The following IGF2R variants were observed in gnomAD, a reference collection of about 807,000 sequenced individuals.
The protein encoded by IGF2R is insulin like growth factor 2 receptor.
Under a neutral mutation model 270.6 loss-of-function variants are expected in IGF2R, and 91 were observed. The ratio of observed to expected loss-of-function variants is 0.34; its 90% CI spans 0.28 to 0.40. IGF2R has a LOEUF of 0.40. Ranked by LOEUF, IGF2R falls within the 10% of genes least tolerant of loss-of-function variation. The probability of loss-of-function intolerance (pLI) is 1.00; values close to 1 mark genes in which losing one functional copy is unlikely to be tolerated. For synonymous variants in IGF2R, 1,316 were observed against 1,258.9 expected (o/e 1.05, Z -0.96); for missense variants, 2,805 against 3,188.3 (o/e 0.88, Z 2.90).
At chr6:160,046,429 TG>T in intron 14 of IGF2R, 68 bp from the exon 15 acceptor site, 1 of 1,455,642 alleles carries the variant, frequency 6.9e-7, no homozygotes, top group Non-Finnish European at 9.3e-7. Flanking sequence ...TTTCAAACTG[TG>T]GGGTGAGACC....
Position 160,089,883 on chromosome 6 carries a change from TC to T in IGF2R, c.6468-31del, listed in dbSNP as rs774605251. 3 of 1,479,526 alleles carry T rather than the reference TC, an allele frequency of 2.0e-6. No homozygotes were observed. The East Asian group carries it at 7.6e-5, about 38-fold the overall frequency. The allele number at this position is 1,479,526 out of a possible 1,614,324, so 91.6% of individuals were successfully genotyped here. On this transcript the variant is annotated intron_variant, in intron 43 of 47. Transcript: ENST00000356956. ...GTCATGAATGCCTTCTTGAAGGACT[TC>T]CATGTCACTGTGATCTTTTCTGTCT...
rs1784192413 is a variant in IGF2R at position 160,004,962 on chromosome 6, G to A, written c.290-4048G>A. ...CATAAGCTTATTACCATAAGGTAAT[G>A]AGGTGTGTTCTGATTGGATCTTGCA... On this transcript the variant is annotated intron_variant, in intron 2 of 47. Transcript: ENST00000356956. The surrounding 1 kb of genome is among the most constrained non-coding windows in gnomAD (Gnocchi z 5.2). The A allele has an allele frequency of 6.6e-6, 1 of 152,222 alleles. No homozygotes were observed. Among genetic ancestry groups the A allele is most frequent in the African/African-American group, 2.4e-5 (1 of 41,446 alleles). The allele number at this position is 152,222 out of a possible 1,614,324, so 9.4% of individuals were successfully genotyped here.
intron 27 of IGF2R, among the ~76,000 whole-genome samples, chr6:160,063,842 CTTAG>C (rs529659529): frequency 2.0e-5 from 3 of 151,462 alleles, no homozygotes; most frequent in Admixed American, 6.6e-5. Context: ...CTATTTTATT[CTTAG>C]TTAGCCATGC....
chr6:159,977,907 T>C (rs963057355), intron 1 of IGF2R, among the ~76,000 whole-genome samples: 2 of 151,956 alleles, frequency 1.3e-5, no homozygotes, highest in Non-Finnish European at 1.5e-5. Context: ...TGTTGTAGGC[T>C]AGGCGTGGGA....
intron 2 of IGF2R, chr6:160,003,933 G>C (rs1404370807): frequency 6.6e-6 from 1 of 151,416 alleles, no homozygotes; most frequent in South Asian, 2.1e-4. Flanking sequence ...CTTGAGTTGA[G>C]GGAGTGAGCT....
intron 2 of IGF2R, among the ~76,000 whole-genome samples, chr6:160,002,365 T>A (rs771207627): frequency 5.3e-5 from 8 of 152,212 alleles, no homozygotes; most frequent in Non-Finnish European, 8.8e-5. Context: ...TACTCCTGCC[T>A]AGGTAAGAGA....
At chr6:160,070,079 C>T in intron 31 of IGF2R, 21 bp downstream of exon 31, 1 of 1,610,730 alleles carries the variant, frequency 6.2e-7, no homozygotes, top group Non-Finnish European at 8.5e-7. Context: ...GTTCCTGCAC[C>T]TTCTGCTGTT....
At position 160,102,512 on chromosome 6, in the gene IGF2R, C is replaced by T; in HGVS notation, c.6843-7C>T. 1 of 1,610,758 alleles carries T rather than the reference C, an allele frequency of 6.2e-7. No homozygotes were observed. Among genetic ancestry groups the T allele is most frequent in the Non-Finnish European group, 8.5e-7 (1 of 1,178,892 alleles). On this transcript the variant is annotated splice_region_variant and splice_polypyrimidine_tract_variant and intron_variant, in intron 45 of 47. Transcript: ENST00000356956. The surrounding 1 kb of genome is among the most constrained non-coding windows in gnomAD (Gnocchi z 4.5). ...GACACGGCTCCTTTTCTGTGACGTC[C>T]TTGCAGGGTGGGCTTTGACAGCGAG...
At position 160,072,022 on chromosome 6, in the gene IGF2R, C is replaced by T; in HGVS notation, c.4556C>T (p.Thr1519Ile). The T allele has an allele frequency of 6.2e-6, 10 of 1,614,188 alleles. No individual in the cohort carries two copies. The highest frequency in any genetic ancestry group is 8.5e-6 in the Non-Finnish European group (10 of 1,180,026). ...KSNEHDDCQV[T>I]NPSTGHLFDL... ...AACGAGCATGATGACTGCCAGGTCA[C>T]CAACCCAAGCACAGGTGAGAGGTGG... Residue 1519 changes from threonine (T) to isoleucine (I), a missense_variant, in exon 32 of 48, where the codon ACC becomes ATC. Physicochemically the swap from Thr to Ile is moderately conservative, Grantham distance 89. Coordinates refer to ENST00000356956, the MANE Select transcript of IGF2R (RefSeq NM_000876.4).
intron 41 of IGF2R, among the ~76,000 whole-genome samples, chr6:160,087,622 C>A (rs776537161): frequency 2.6e-5 from 4 of 152,144 alleles, no homozygotes; most frequent in Admixed American, 1.3e-4. Flanking sequence ...TTTCTTCTGG[C>A]CTTTAAACCA....
chr6:160,016,730 T>C (rs963195172), intron 4 of IGF2R, among the ~76,000 whole-genome samples: 1 of 152,226 alleles, frequency 6.6e-6, no homozygotes, highest in African/African-American at 2.4e-5. Flanking sequence ...CTACAACTGA[T>C]GTTTGAGAAA....
Position 160,025,860 on chromosome 6 carries a change from T to C in IGF2R, c.646+1156T>C, listed in dbSNP as rs553756586. 3.9e-5 allele frequency among the ~76,000 whole-genome samples: 6 copies of C among 152,214 alleles called. No individual in the cohort carries two copies. In the South Asian group the frequency reaches 1.0e-3, roughly 26 times the overall value. On this transcript the variant is annotated intron_variant, in intron 5 of 47. Transcript: ENST00000356956. Reference sequence around the variant, plus strand: ...ATACGCTATTTTGATTTGGAAAACATTTAGGTTTCTGGTCTCTTAACATTT... The same window carrying C: ...ATACGCTATTTTGATTTGGAAAACACTTAGGTTTCTGGTCTCTTAACATTT...
In IGF2R at chr6:160,088,285, G is replaced by C. The variant is rs1406943704; in HGVS notation, c.6320+138G>C. 3.1e-5 allele frequency: 20 copies of C among 649,932 alleles called. No individual in the cohort carries two copies. The Admixed American group carries it at 4.7e-4, about 15-fold the overall frequency. 40.3% of individuals were successfully genotyped at this position (649,932 alleles called of 1,614,324 possible). Reference sequence around the variant, plus strand: ...AGCCGCTGATTGTGCTGTATTGGGCGGGGCTGCTCCAGGCAGGGAAGACCT... The same window carrying C: ...AGCCGCTGATTGTGCTGTATTGGGCCGGGCTGCTCCAGGCAGGGAAGACCT... On this transcript the variant is annotated intron_variant, in intron 42 of 47. Coordinates refer to ENST00000356956, the MANE Select transcript of IGF2R (RefSeq NM_000876.4).
chr6:159,995,726 C>T (rs1443177879), intron 2 of IGF2R, among the ~76,000 whole-genome samples: 13 of 151,842 alleles, frequency 8.6e-5, no homozygotes, highest in Admixed American at 8.5e-4. Context: ...AATTTAGATC[C>T]TATATTTTTC....
chr6:160,035,177 C>T (rs1447521972), intron 10 of IGF2R, among the ~76,000 whole-genome samples: 5 of 152,182 alleles, frequency 3.3e-5, no homozygotes, highest in Non-Finnish European at 5.9e-5. Flanking sequence ...CAGGCTGTGA[C>T]TCCAGGCACC....
At chr6:160,097,396 T>G (rs1286972193) in intron 45 of IGF2R, among the ~76,000 whole-genome samples, 2 of 152,220 alleles carry the variant, frequency 1.3e-5, no homozygotes, top group Non-Finnish European at 2.9e-5. Context: ...AGTGGTGCGG[T>G]CTTGGCTCGT....
intron 2 of IGF2R, among the ~76,000 whole-genome samples, chr6:160,008,122 T>C (rs900641480): frequency 6.6e-6 from 1 of 152,228 alleles, no homozygotes; most frequent in African/African-American, 2.4e-5. Flanking sequence ...CAAGTTTGTG[T>C]TGGGCTGCAT....
chr6:160,104,775 C>A lies in IGF2R; in HGVS notation c.7167C>A (p.Gly2389=). ...AGGGAAAGGAAGGGCAGGAGAACGG[C>A]CATATTACCACCAAGTCAGTGAAAG... ...PRQGKEGQEN[G]HITTKSVKAL... The change falls in exon 48 of 48, where the codon GGC becomes GGA. Residue 2389 remains glycine (G), a synonymous_variant. Coordinates refer to ENST00000356956, the MANE Select transcript of IGF2R (RefSeq NM_000876.4). 1 of 1,614,094 alleles carries A rather than the reference C, an allele frequency of 6.2e-7. No individual in the cohort carries two copies. Among genetic ancestry groups the A allele is most frequent in the Non-Finnish European group, 8.5e-7 (1 of 1,180,028 alleles).
At chr6:160,093,547 A>G in intron 44 of IGF2R, 5 of 635,394 alleles carry the variant, frequency 7.9e-6, no homozygotes, top group South Asian at 4.9e-5. Context: ...AAAGGAGAGA[A>G]CAGGACGATT....
Sources: allele counts gnomAD v4.1 joint callset (sites outside exome capture counted in the v4.1 genomes callset), GRCh38; gene constraint gnomAD v4.1.1; non-coding constraint Gnocchi (gnomAD v3.1); transcripts MANE v1.5; gene names NCBI Gene and HGNC (gene_info 2026-07-23, HGNC 2026-07-21).